The following CSMD1 variants were observed in gnomAD, a reference collection of about 807,000 sequenced individuals.
CSMD1 encodes CUB and sushi domain-containing protein 1.
In CSMD1, 213 loss-of-function variants were observed where a neutral mutation model predicts 417.5. That is an observed-to-expected ratio of 0.51 (90% CI 0.46 to 0.57). The LOEUF is 0.57. Ranked by LOEUF, CSMD1 falls within the 20% of genes least tolerant of loss-of-function variation. CSMD1 has a pLI of 0.00. For missense variants in CSMD1, 6,923 were observed against 4,529.7 expected (o/e 1.53, Z -15.17); for synonymous variants, 2,862 against 1,736.8 (o/e 1.65, Z -16.11).
At chr8:3,548,072 A>G (rs2116757005) in intron 10 of CSMD1, among the ~76,000 whole-genome samples, 1 of 152,330 alleles carries the variant, frequency 6.6e-6, no homozygotes, top group East Asian at 1.9e-4. Flanking sequence ...TATTTTGACC[A>G]AAATAAATAG....
At chr8:3,848,069 T>TTCTC (rs111682595) in intron 5 of CSMD1, among the ~76,000 whole-genome samples, 14 of 133,440 alleles carry the variant, frequency 1.0e-4, no homozygotes, top group Non-Finnish European at 1.5e-4. Context: ...CTGGTGATAT[T>TTCTC]TCTCTCTCTC....
rs556559488 is a variant in CSMD1 at position 3,633,867 on chromosome 8, G to A, written c.1010-17070C>T. Among the ~76,000 whole-genome samples, 9 of 152,292 alleles carry A rather than the reference G, an allele frequency of 5.9e-5. No individual in the cohort carries two copies. The South Asian group carries it at 1.9e-3, about 32-fold the overall frequency. On this transcript the variant is annotated intron_variant, in intron 7 of 69. Coordinates refer to ENST00000635120, the MANE Select transcript of CSMD1 (RefSeq NM_033225.6). Reference sequence around the variant, plus strand: ...TCAGGCTGTGAACATCATAGACACAGAGAAGAAACCTGACGTATGTATTCA... The same window carrying A: ...TCAGGCTGTGAACATCATAGACACAAAGAAGAAACCTGACGTATGTATTCA...
chr8:4,096,315 C>T (rs1383510417), intron 3 of CSMD1, among the ~76,000 whole-genome samples: 1 of 152,092 alleles, frequency 6.6e-6, no homozygotes, highest in Non-Finnish European at 1.5e-5. Flanking sequence ...CATTTGTCTG[C>T]AGAGGAAACA....
intron 1 of CSMD1, among the ~76,000 whole-genome samples, chr8:4,914,845 C>T (rs371242698): frequency 1.9e-4 from 29 of 152,134 alleles, no homozygotes; most frequent in African/African-American, 7.0e-4. Context: ...GGAGTTTCAC[C>T]TACTGCTATT....
chr8:3,737,823 T>G (rs1489328398), intron 6 of CSMD1, among the ~76,000 whole-genome samples: 1 of 152,242 alleles, frequency 6.6e-6, no homozygotes, highest in African/African-American at 2.4e-5. Context: ...ATGGTAGTAT[T>G]TAAAACTACC....
intron 5 of CSMD1, among the ~76,000 whole-genome samples, chr8:3,789,218 G>C (rs1244799905): frequency 1.3e-5 from 2 of 152,062 alleles, no homozygotes; most frequent in African/African-American, 2.4e-5. Flanking sequence ...GAGCAAGATA[G>C]TGGGCCCTCA....
chr8:4,627,634 C>G (rs760486312), intron 2 of CSMD1, among the ~76,000 whole-genome samples: 1 of 152,080 alleles, frequency 6.6e-6, no homozygotes, highest in Non-Finnish European at 1.5e-5. Context: ...TGACACGATG[C>G]CCAACATCAC....
intron 5 of CSMD1, among the ~76,000 whole-genome samples, chr8:3,947,644 TC>T (rs1354817062): frequency 6.6e-6 from 1 of 152,226 alleles, no homozygotes; most frequent in Non-Finnish European, 1.5e-5. Flanking sequence ...TATTCTGTTA[TC>T]AATTTACAGT....
intron 3 of CSMD1, among the ~76,000 whole-genome samples, chr8:4,214,661 TGTATGA>T (rs1800526979): frequency 6.6e-6 from 1 of 152,140 alleles, no homozygotes; most frequent in African/African-American, 2.4e-5. Context: ...TATGTGTGTG[TGTATGA>T]GTATGAGTGT....
At chr8:4,574,404 C>G (rs2725018) in intron 2 of CSMD1, among the ~76,000 whole-genome samples, 24,629 of 152,030 alleles carry the variant, frequency 0.16, 2,329 homozygotes, top group Non-Finnish European at 0.21. Flanking sequence ...TGCACTTCCC[C>G]GGTGAGGCAA....
rs79489074 is a variant in CSMD1, at chr8:4,606,142, T to C, written c.302+31200A>G. On this transcript the variant is annotated intron_variant, in intron 2 of 69. Coordinates refer to ENST00000635120, the MANE Select transcript of CSMD1 (RefSeq NM_033225.6). ...GACTTGCAGGATTAATTCACACTAA[T>C]ACTGAGCTTCTAAACCGCAGGACAC... is the stretch of plus-strand genomic sequence containing the variant. Among the ~76,000 whole-genome samples, 426 of 152,276 alleles carry C rather than the reference T, an allele frequency of 2.8e-3. 4 individuals are homozygous for C. Among genetic ancestry groups the C allele is most frequent in the Non-Finnish European group, 4.1e-3 (277 of 68,024 alleles).
At chr8:4,103,478 T>C (rs1408188647) in intron 3 of CSMD1, among the ~76,000 whole-genome samples, 1 of 150,326 alleles carries the variant, frequency 6.7e-6, no homozygotes, top group Non-Finnish European at 1.5e-5. Context: ...TTAAAAAGGG[T>C]TTTACATATA....
chr8:3,962,886 C>T (rs776144430), intron 5 of CSMD1, among the ~76,000 whole-genome samples: 1 of 152,086 alleles, frequency 6.6e-6, no homozygotes, highest in Non-Finnish European at 1.5e-5. Context: ...ACAACTGAAG[C>T]CTGTTTTTAT....
At chr8:3,024,103 A>T (rs1172080815) in intron 51 of CSMD1, among the ~76,000 whole-genome samples, 1 of 151,874 alleles carries the variant, frequency 6.6e-6, no homozygotes, top group African/African-American at 2.4e-5. Context: ...TTTAATAGTA[A>T]ATTATATTAT....
intron 1 of CSMD1, among the ~76,000 whole-genome samples, chr8:4,969,034 C>T (rs6558951): frequency 0.68 from 103,061 of 152,058 alleles, 35,584 homozygotes; most frequent in Middle Eastern, 0.81. Flanking sequence ...CCACTATTCA[C>T]TCTCCAGAAT....
intron 15 of CSMD1, among the ~76,000 whole-genome samples, chr8:3,400,193 C>T (rs1240539703): frequency 6.6e-6 from 1 of 152,140 alleles, no homozygotes; most frequent in African/African-American, 2.4e-5. Flanking sequence ...CCTGTATCAT[C>T]TAAAGGAATT....
intron 5 of CSMD1, among the ~76,000 whole-genome samples, chr8:3,793,036 C>T (rs1799835654): frequency 1.3e-5 from 2 of 152,060 alleles, no homozygotes; most frequent in Admixed American, 6.5e-5. Context: ...TGAGGATGGG[C>T]GAGTGCTAAG....
At chr8:3,821,257 A>C (rs1283291046) in intron 5 of CSMD1, among the ~76,000 whole-genome samples, 1 of 152,150 alleles carries the variant, frequency 6.6e-6, no homozygotes, top group African/African-American at 2.4e-5. Context: ...GTACACACTA[A>C]AATAACAATC....
chr8:4,151,468 C>A lies in CSMD1; in HGVS notation c.416-119369G>T, dbSNP rs151294164. On this transcript the variant is annotated intron_variant, in intron 3 of 69. Coordinates refer to ENST00000635120, the MANE Select transcript of CSMD1 (RefSeq NM_033225.6). Reference sequence around the variant, plus strand: ...CAATAAGATATTGAATCACCCATATCTAGTTTAACAAACACATTATACAGA... The same window carrying A: ...CAATAAGATATTGAATCACCCATATATAGTTTAACAAACACATTATACAGA... Among the ~76,000 whole-genome samples the A allele has an allele frequency of 2.6e-5, 4 of 152,246 alleles. No homozygotes were observed. The East Asian group carries it at 7.7e-4, about 29-fold the overall frequency.
Sources: allele counts gnomAD v4.1 joint callset (sites outside exome capture counted in the v4.1 genomes callset), GRCh38; gene constraint gnomAD v4.1.1; transcripts MANE v1.5; gene names NCBI Gene and HGNC (gene_info 2026-07-23, HGNC 2026-07-21).